Variants in ZC3H18 observed in about 807,000 individuals in gnomAD.
The protein encoded by ZC3H18 is zinc finger CCCH-type containing 18.
A neutral mutation model predicts 106.1 loss-of-function variants in ZC3H18; 8 were observed. That is an observed-to-expected ratio of 0.08 (90% CI 0.04 to 0.14). The LOEUF (loss-of-function observed/expected upper bound fraction) is 0.14, where lower values mean the gene tolerates loss of function less well. Ranked by LOEUF, ZC3H18 falls within the 10% of genes least tolerant of loss-of-function variation. The pLI, the probability that ZC3H18 is intolerant of heterozygous loss-of-function variation, is 1.00. For missense variants in ZC3H18, 1,318 were observed against 1,278.4 expected, an observed-to-expected ratio of 1.03 and a Z score of -0.47; for synonymous variants, 635 against 522.1, an observed-to-expected ratio of 1.22 and a Z score of -2.95.
At position 88,623,299 on chromosome 16, in the gene ZC3H18, C is replaced by G; in HGVS notation, c.1748C>G (p.Ser583Cys). ...CGGTCTTCATCCTACAGCTCCTACT[C>G]CAGCCGCTCTTCCAGACACAGCTCG... is the stretch of plus-strand genomic sequence containing the variant. ...RSRSSSYSSY[S>C]SRSSRHSSFS... Residue 583 changes from serine to cysteine, a missense_variant, in exon 10 of 18, where the codon TCC becomes TGC. Ser to Cys is a moderately radical substitution (Grantham distance 112). Coordinates refer to ENST00000301011, the MANE Select transcript of ZC3H18 (RefSeq NM_144604.4). The G allele has an allele frequency of 1.2e-6, 2 of 1,613,894 alleles. No homozygotes were observed. The highest frequency in any genetic ancestry group is 1.3e-5 in the African/African-American group (1 of 75,056).
In ZC3H18 at chr16:88,624,098, C is replaced by T. The variant is rs541787224; in HGVS notation, c.1898+36C>T. 24 of 1,607,122 alleles carry T rather than the reference C, an allele frequency of 1.5e-5. 1 individual carries two copies. In the East Asian group the frequency reaches 5.4e-4, roughly 36 times the overall value. ...AGCCTGTGGGCAAGTCCTGGCCGGC[C>T]AGGCCTCCACAGGCTGCAGCCTCCT... On this transcript the variant is annotated intron_variant, in intron 11 of 17. Transcript: ENST00000301011.
chr16:88,617,619 A>T (rs1315475295), intron 8 of ZC3H18, among the ~76,000 whole-genome samples: 1 of 152,210 alleles, frequency 6.6e-6, no homozygotes, highest in African/African-American at 2.4e-5. Context: ...TTCAACTTCC[A>T]GGTTTACCTT....
intron 3 of ZC3H18, among the ~76,000 whole-genome samples, chr16:88,590,564 C>CTTTTTTTTTTT (rs57632461): frequency 0.071 from 7,123 of 100,450 alleles, 746 homozygotes; most frequent in Non-Finnish European, 0.098. Context: ...TTCTTTATTT[C>CTTTTTTTTTTT]TTTTTTTTTT....
intron 4 of ZC3H18, 121 bp from the exon 5 acceptor site, chr16:88,598,499 G>A: frequency 4.9e-6 from 7 of 1,442,010 alleles, no homozygotes; most frequent in Non-Finnish European, 6.7e-6. Context: ...AGTGAGGCTT[G>A]GTGGAAGGAG....
chr16:88,577,297 G>T lies in ZC3H18; in HGVS notation c.174G>T (p.Pro58=), dbSNP rs776346256. The T allele has an allele frequency of 6.2e-7, 1 of 1,612,564 alleles. No homozygotes were observed. Among genetic ancestry groups the T allele is most frequent in the African/African-American group, 1.3e-5 (1 of 74,988 alleles). Residue 58 remains proline, a synonymous_variant, in exon 2 of 18, where the codon CCG becomes CCT. Transcript: ENST00000301011. ...LEDEESAARG[P]SQEEEDNHSD... The stretch of plus-strand genomic sequence containing the variant: ...ATGAGGAAAGTGCAGCCAGGGGGCC[G>T]AGCCAGGAGGAGGAAGATAATCACT...
chr16:88,595,611 A>G lies in ZC3H18; in HGVS notation c.689-2567A>G, dbSNP rs571713226. Among the ~76,000 whole-genome samples, 3 of 151,556 alleles carry G rather than the reference A, an allele frequency of 2.0e-5. No individual in the cohort carries two copies. In the East Asian group the frequency reaches 5.8e-4, roughly 29 times the overall value. On this transcript the variant is annotated intron_variant, in intron 3 of 17. Coordinates refer to ENST00000301011, the MANE Select transcript of ZC3H18 (RefSeq NM_144604.4). ...CACCTGACTTCAGGAGTTTGAGACCAGCCTGGCTAACATGGCGAAACCCTG... is the reference window on the plus strand; with the variant it reads ...CACCTGACTTCAGGAGTTTGAGACCGGCCTGGCTAACATGGCGAAACCCTG...
At chr16:88,607,145 C>G (rs1161250270) in intron 6 of ZC3H18, among the ~76,000 whole-genome samples, 12 of 152,212 alleles carry the variant, frequency 7.9e-5, no homozygotes, top group Admixed American at 7.9e-4. Flanking sequence ...CGTCCCCTCC[C>G]TGTTCAATGA....
At chr16:88,594,990 A>G (rs1904354072) in intron 3 of ZC3H18, among the ~76,000 whole-genome samples, 1 of 152,176 alleles carries the variant, frequency 6.6e-6, no homozygotes, top group Non-Finnish European at 1.5e-5. Flanking sequence ...CGTTTCTACT[A>G]AAAATACAAA....
intron 1 of ZC3H18, among the ~76,000 whole-genome samples, chr16:88,574,336 A>G (rs575459112): frequency 4.6e-5 from 7 of 151,920 alleles, no homozygotes; most frequent in Admixed American, 2.0e-4. Context: ...CAGCCTCCCA[A>G]GTAGCTTGGA....
At chr16:88,624,848 TG>T in intron 12 of ZC3H18, 103 bp downstream of exon 12, 1 of 1,445,628 alleles carries the variant, frequency 6.9e-7, no homozygotes, top group Admixed American at 2.7e-5. Flanking sequence ...CAGAGCCAGG[TG>T]GTGGGAAGCG....
intron 3 of ZC3H18, among the ~76,000 whole-genome samples, chr16:88,594,210 A>C (rs992041882): frequency 2.0e-5 from 3 of 152,190 alleles, no homozygotes; most frequent in African/African-American, 7.2e-5. Context: ...GCAAAAAGGC[A>C]AAGAATGCTA....
intron 16 of ZC3H18, 145 bp downstream of exon 16, chr16:88,628,999 T>C (rs1906497982): frequency 2.7e-6 from 2 of 738,838 alleles, no homozygotes; most frequent in Non-Finnish European, 4.5e-6. Flanking sequence ...TGTCGGTATT[T>C]AGGGTGTTGA....
intron 2 of ZC3H18, among the ~76,000 whole-genome samples, chr16:88,585,771 G>A (rs1915396895): frequency 6.6e-6 from 1 of 152,124 alleles, no homozygotes; most frequent in South Asian, 2.1e-4. Flanking sequence ...GGGCAGTGGT[G>A]CAGATTGCAG....
intron 8 of ZC3H18, among the ~76,000 whole-genome samples, chr16:88,611,824 C>T (rs1447867828): frequency 1.3e-5 from 2 of 152,242 alleles, no homozygotes; most frequent in Non-Finnish European, 2.9e-5. Flanking sequence ...GTGCAAACAT[C>T]GGTGTGTTTT....
rs141814100 is a variant in ZC3H18, at chr16:88,630,956, C to T, written c.2664-145C>T. The T allele has an allele frequency of 1.5e-4, 149 of 998,256 alleles. No individual in the cohort carries two copies. The African/African-American group carries it at 2.0e-3, about 13-fold the overall frequency. 61.8% of individuals were successfully genotyped at this position (998,256 alleles called of 1,614,324 possible). A position where few individuals can be genotyped will look rare whatever the true frequency, so the allele number is the denominator to read the frequency against. On this transcript the variant is annotated intron_variant, in intron 17 of 17. Coordinates refer to ENST00000301011, the MANE Select transcript of ZC3H18 (RefSeq NM_144604.4). ...TGGCTAGGACCAGGCCTGCTTGTGG[C>T]AGTGGGAGCCTGGCCATCCAGGGAG...
chr16:88,597,555 A>G (rs1194188059), intron 3 of ZC3H18, among the ~76,000 whole-genome samples: 5 of 152,356 alleles, frequency 3.3e-5, no homozygotes, highest in Non-Finnish European at 1.5e-5. Context: ...TATATTCTAC[A>G]CTTGAAAGTC....
chr16:88,602,844 T>A (rs1904817642), intron 6 of ZC3H18, among the ~76,000 whole-genome samples: 1 of 152,220 alleles, frequency 6.6e-6, no homozygotes, highest in Non-Finnish European at 1.5e-5. Context: ...AGAAGCACCT[T>A]CATGCAGGCA....
At chr16:88,573,804 C>T (rs1191250389) in intron 1 of ZC3H18, among the ~76,000 whole-genome samples, 1 of 151,904 alleles carries the variant, frequency 6.6e-6, no homozygotes, top group Non-Finnish European at 1.5e-5. Flanking sequence ...GAATCATTTT[C>T]AGAACTGTCT....
chr16:88,605,966 G>C (rs1054680513), intron 6 of ZC3H18, among the ~76,000 whole-genome samples: 3 of 152,250 alleles, frequency 2.0e-5, no homozygotes, highest in African/African-American at 7.2e-5. Context: ...AGACCTCTGG[G>C]GACGCGGGGC....
Sources: allele counts gnomAD v4.1 joint callset (sites outside exome capture counted in the v4.1 genomes callset), GRCh38; gene constraint gnomAD v4.1.1; transcripts MANE v1.5; gene names NCBI Gene and HGNC (gene_info 2026-07-23, HGNC 2026-07-21).